OR56A1: variants seen among roughly 807,000 people sequenced by gnomAD.
OR56A1 encodes the protein olfactory receptor 56A1.
For synonymous variants in OR56A1, 174 were observed against 159.1 expected (o/e 1.09, Z -0.70); for missense variants, 360 against 380.9 (o/e 0.94, Z 0.46).
rs562333037 is a variant in OR56A1 at position 6,024,592 on chromosome 11, T to C, written c.*2156A>G. On this transcript the variant is annotated 3_prime_UTR_variant, in exon 2 of 2. Transcript: ENST00000641900. ...TCCTATTAGATTCCTTTTTAAAAAC[T>C]CACTTTTATGATCACGTATAGAAGG... is the stretch of plus-strand genomic sequence containing the variant. 1.3e-5 allele frequency: 2 copies of C among 152,318 alleles called. No homozygotes were observed. The highest frequency in any genetic ancestry group is 1.9e-4 in the East Asian group (1 of 5,188). The allele number at this position is 152,318 out of a possible 1,614,324, so 9.4% of individuals were successfully genotyped here. A position where few individuals can be genotyped will look rare whatever the true frequency, so the allele number is the denominator to read the frequency against.
In OR56A1 at chr11:6,023,444, T is replaced by C. The variant is rs1848416960; in HGVS notation, c.*3304A>G. 1 of 152,248 alleles carries C rather than the reference T, an allele frequency of 6.6e-6. No individual in the cohort carries two copies. Among genetic ancestry groups the C allele is most frequent in the Non-Finnish European group, 1.5e-5 (1 of 68,044 alleles). 9.4% of individuals were successfully genotyped at this position (152,248 alleles called of 1,614,324 possible). On this transcript the variant is annotated 3_prime_UTR_variant, in exon 2 of 2. Transcript: ENST00000641900. ...CATAGGGTCCCTTCTTTTTCCACCTTAATTCCAGAGGACTTGCTATTCTTT... is the reference window on the plus strand; with the variant it reads ...CATAGGGTCCCTTCTTTTTCCACCTCAATTCCAGAGGACTTGCTATTCTTT...
chr11:6,029,990 A>G (rs556094281), intron 1 of OR56A1, among the ~76,000 whole-genome samples: 2 of 152,322 alleles, frequency 1.3e-5, no homozygotes, highest in Non-Finnish European at 2.9e-5. Flanking sequence ...CATCTCAGTG[A>G]CTGGTGTAAA....
In OR56A1 at chr11:6,023,135, T is replaced by C. The variant is rs1482288595; in HGVS notation, c.*3613A>G. 1 of 152,166 alleles carries C rather than the reference T, an allele frequency of 6.6e-6. No individual in the cohort carries two copies. The highest frequency in any genetic ancestry group is 2.4e-5 in the African/African-American group (1 of 41,452). 9.4% of individuals were successfully genotyped at this position (152,166 alleles called of 1,614,324 possible). On this transcript the variant is annotated 3_prime_UTR_variant, in exon 2 of 2. Transcript: ENST00000641900. Reference sequence around the variant, plus strand: ...CCTGAGACTGAGAACTGGCATTCAATACAGTACCGTTATTCCCACAAATAG... The same window carrying C: ...CCTGAGACTGAGAACTGGCATTCAACACAGTACCGTTATTCCCACAAATAG...
chr11:6,028,483 G>C (rs758525316), intron 1 of OR56A1, among the ~76,000 whole-genome samples: 6 of 151,912 alleles, frequency 3.9e-5, no homozygotes, highest in African/African-American at 1.2e-4. Flanking sequence ...CTTTCAGAAG[G>C]TGACATCAAA....
In OR56A1 at chr11:6,023,143, C is replaced by T. The variant is rs930635731; in HGVS notation, c.*3605G>A. 1.3e-5 allele frequency: 2 copies of T among 152,102 alleles called. No individual in the cohort carries two copies. Among genetic ancestry groups the T allele is most frequent in the Admixed American group, 6.6e-5 (1 of 15,252 alleles). The allele number at this position is 152,102 out of a possible 1,614,324, so 9.4% of individuals were successfully genotyped here. On this transcript the variant is annotated 3_prime_UTR_variant, in exon 2 of 2. Transcript: ENST00000641900. ...TGAGAACTGGCATTCAATACAGTAC[C>T]GTTATTCCCACAAATAGCCACAAAG...
rs529176573 is a variant in OR56A1 at position 6,027,211 on chromosome 11, G to C, written c.482C>G (p.Pro161Arg). The C allele has an allele frequency of 1.1e-5, 17 of 1,614,098 alleles. 1 individual carries two copies. The highest frequency in any genetic ancestry group is 1.4e-5 in the Non-Finnish European group (17 of 1,179,910). The change falls in exon 2 of 2, where the codon CCC (proline) becomes CGC (arginine). Residue 161 changes from proline to arginine, a missense_variant. Physicochemically the swap from Pro to Arg is moderately radical, Grantham distance 103. Coordinates refer to ENST00000641900, the MANE Select transcript of OR56A1 (RefSeq NM_001388488.1). Reference protein sequence around the residue: ...IVVRNALLTAPIPILTSLLHY... With the variant: ...IVVRNALLTARIPILTSLLHY... ...GAGCAGGGAAGTGAGGATAGGAATG[G>C]GTGCAGTAAGAAGCGCATTCCGCAC...
chr11:6,028,880 C>A (rs1036709109), intron 1 of OR56A1, among the ~76,000 whole-genome samples: 2 of 152,070 alleles, frequency 1.3e-5, no homozygotes, highest in African/African-American at 4.8e-5. Context: ...GATATGGAAT[C>A]AACCCAAGAG....
chr11:6,019,930 G>A lies in OR56A1; in HGVS notation c.*6818C>T, dbSNP rs1410413143. On this transcript the variant is annotated 3_prime_UTR_variant, in exon 2 of 2. Coordinates refer to ENST00000641900, the MANE Select transcript of OR56A1 (RefSeq NM_001388488.1). Reference sequence around the variant, plus strand: ...AGGCAAACCAGCATTTACTTTTCCAGGGATAAGCATAGGTTTAAGGAAAGT... The same window carrying A: ...AGGCAAACCAGCATTTACTTTTCCAAGGATAAGCATAGGTTTAAGGAAAGT... 6.6e-6 allele frequency: 1 copy of A among 152,078 alleles called. No homozygotes were observed. The highest frequency in any genetic ancestry group is 1.5e-5 in the Non-Finnish European group (1 of 67,974). The allele number at this position is 152,078 out of a possible 1,614,324, so 9.4% of individuals were successfully genotyped here. A position where few individuals can be genotyped will look rare whatever the true frequency, so the allele number is the denominator to read the frequency against.
upstream of OR56A1, among the ~76,000 whole-genome samples, chr11:6,031,479 C>A (rs1164032781): frequency 2.6e-5 from 4 of 152,008 alleles, no homozygotes; most frequent in Admixed American, 2.6e-4. Context: ...GCCGCAATAG[C>A]CAAGGTGAGA....
In OR56A1 at chr11:6,027,456, G is replaced by A. The variant is rs147711206; in HGVS notation, c.237C>T (p.Thr79=). 7.4e-6 allele frequency: 12 copies of A among 1,614,060 alleles called. No homozygotes were observed. The highest frequency in any genetic ancestry group is 3.3e-5 in the Admixed American group (2 of 60,004). The change falls in exon 2 of 2, where the codon ACC becomes ACT. Residue 79 remains threonine, a synonymous_variant. Transcript: ENST00000641900. The stretch of plus-strand genomic sequence containing the variant: ...AGATGGCCAGGACCTTGGGGATGAC[G>A]GTGAGGCAGAGCACGATGTCCAGCA... ...LSLLDIVLCL[T]VIPKVLAIFW...
chr11:6,023,448 T>A lies in OR56A1; in HGVS notation c.*3300A>T, dbSNP rs980610647. 1 of 152,218 alleles carries A rather than the reference T, an allele frequency of 6.6e-6. No individual in the cohort carries two copies. The allele number at this position is 152,218 out of a possible 1,614,324, so 9.4% of individuals were successfully genotyped here. ...GGGTCCCTTCTTTTTCCACCTTAAT[T>A]CCAGAGGACTTGCTATTCTTTCTTT... On this transcript the variant is annotated 3_prime_UTR_variant, in exon 2 of 2. Coordinates refer to ENST00000641900, the MANE Select transcript of OR56A1 (RefSeq NM_001388488.1).
upstream of OR56A1, among the ~76,000 whole-genome samples, chr11:6,030,995 A>G (rs1442344304): frequency 2.0e-5 from 3 of 152,206 alleles, no homozygotes; most frequent in Non-Finnish European, 2.9e-5. Context: ...GAATAATAGG[A>G]AGGCACAAAG....
chr11:6,028,352 T>A (rs1409837889), intron 1 of OR56A1, among the ~76,000 whole-genome samples: 2 of 151,720 alleles, frequency 1.3e-5, no homozygotes, highest in Non-Finnish European at 2.9e-5. Flanking sequence ...TTTGTGATCA[T>A]TAACCTTAAA....
chr11:6,032,480 A>C (rs544205822), upstream of OR56A1, among the ~76,000 whole-genome samples: 27 of 152,290 alleles, frequency 1.8e-4, no homozygotes, highest in South Asian at 5.6e-3. Context: ...CTAACACCCC[A>C]TAGATTCTTA....
upstream of OR56A1, among the ~76,000 whole-genome samples, chr11:6,034,119 A>G (rs767314932): frequency 6.6e-5 from 10 of 152,200 alleles, no homozygotes; most frequent in Non-Finnish European, 1.5e-4. Flanking sequence ...ACAATCTACG[A>G]GGCTGTTTAC....
Position 6,021,883 on chromosome 11 carries a change from T to G in OR56A1, c.*4865A>C, listed in dbSNP as rs1035980012. ...TGCTCCTAAAGCATTCTCGCATTAC[T>G]ATTAAGTTACTGCTAACTGAATTCT... On this transcript the variant is annotated 3_prime_UTR_variant, in exon 2 of 2. Transcript: ENST00000641900. The G allele has an allele frequency of 8.5e-5, 13 of 152,192 alleles. No individual in the cohort carries two copies. Among genetic ancestry groups the G allele is most frequent in the Admixed American group, 8.5e-4 (13 of 15,264 alleles). 9.4% of individuals were successfully genotyped at this position (152,192 alleles called of 1,614,324 possible).
chr11:6,026,765 G>A lies in OR56A1; in HGVS notation c.928C>T (p.Leu310=), dbSNP rs773657401. The A allele has an allele frequency of 2.5e-6, 4 of 1,597,382 alleles. No individual in the cohort carries two copies. In the Admixed American group the frequency reaches 6.8e-5, roughly 27 times the overall value. ...TTACATATTCACCTCCCTCTCTGCAGTAACTTCTGAATTCCCTGTTTTATC... is the reference window on the plus strand; with the variant it reads ...TTACATATTCACCTCCCTCTCTGCAATAACTTCTGAATTCCCTGTTTTATC... ...KEIKQGIQKL[L]QRGR Residue 310 remains leucine (L), a synonymous_variant, in exon 2 of 2, where the codon CTG becomes TTG. Coordinates refer to ENST00000641900, the MANE Select transcript of OR56A1 (RefSeq NM_001388488.1).
At position 6,027,625 on chromosome 11, in the gene OR56A1, A is replaced by T; in HGVS notation, c.68T>A (p.Phe23Tyr). The change falls in exon 2 of 2, where the codon TTC becomes TAC. Residue 23 changes from phenylalanine (F) to tyrosine (Y), a missense_variant. Transcript: ENST00000641900. Reference protein sequence around the residue: ...SEFLLICFPNFQSWQHWLSLP... With the variant: ...SEFLLICFPNYQSWQHWLSLP... ...GGAGAGCCAGTGCTGCCAACTCTGGAAGTTGGGGAAGCAGATGAGGAGGAA... is the reference window on the plus strand; with the variant it reads ...GGAGAGCCAGTGCTGCCAACTCTGGTAGTTGGGGAAGCAGATGAGGAGGAA... The T allele has an allele frequency of 6.2e-7, 1 of 1,613,138 alleles. No homozygotes were observed. Among genetic ancestry groups the T allele is most frequent in the Non-Finnish European group, 8.5e-7 (1 of 1,179,640 alleles).
rs766070430 is a variant in OR56A1 at position 6,026,984 on chromosome 11, C to A, written c.709G>T (p.Ala237Ser). The change falls in exon 2 of 2, where the codon GCA becomes TCA. Residue 237 changes from alanine (A) to serine (S), a missense_variant. Transcript: ENST00000641900. Reference sequence around the variant, plus strand: ...CCACATGTGCTCAGGGCCTTCACTGCCGCCCCCTCTGCTTTGAATCTAAGC... The same window carrying A: ...CCACATGTGCTCAGGGCCTTCACTGACGCCCCCTCTGCTTTGAATCTAAGC... ...AVLRFKAEGA[A>S]VKALSTCGSH... is the part of the protein sequence containing the mutation. 13 of 1,613,740 alleles carry A rather than the reference C, an allele frequency of 8.1e-6. No homozygotes were observed. In the African/African-American group the frequency reaches 1.1e-4, roughly 13 times the overall value.
Sources: allele counts gnomAD v4.1 joint callset (sites outside exome capture counted in the v4.1 genomes callset), GRCh38; gene constraint gnomAD v4.1.1; transcripts MANE v1.5; gene names NCBI Gene and HGNC (gene_info 2026-07-23, HGNC 2026-07-21).